The following OTOG variants were observed in gnomAD, a reference collection of about 807,000 sequenced individuals.
The protein encoded by OTOG is otogelin.
A neutral mutation model predicts 313.8 loss-of-function variants in OTOG; 296 were observed. The ratio of observed to expected loss-of-function variants is 0.94; its 90% CI spans 0.86 to 1.04. The LOEUF is 1.04. OTOG is among the 50% of genes least tolerant of loss of function. The probability of loss-of-function intolerance (pLI) is 0.00; values close to 1 mark genes in which losing one functional copy is unlikely to be tolerated. For synonymous variants in OTOG, 1,533 were observed against 1,554.9 expected (o/e 0.99, Z 0.33); for missense variants, 3,948 against 3,840.1 (o/e 1.03, Z -0.74).
At chr11:17,619,488 G>A (rs772659604) in intron 39 of OTOG, among the ~76,000 whole-genome samples, 1 of 151,092 alleles carries the variant, frequency 6.6e-6, no homozygotes, top group Non-Finnish European at 1.5e-5. Flanking sequence ...TCCTTTTTTT[G>A]CCTTCTTTGG....
rs1348093483 is a variant in OTOG at position 17,634,919 on chromosome 11, A to G, written c.7556A>G (p.Glu2519Gly). The change falls in exon 45 of 56, where the codon GAG becomes GGG. Residue 2519 changes from glutamate (E) to glycine (G), a missense_variant. Transcript: ENST00000399397. ...PGHRLLTHFQ[E>G]DSCCPSYSCE... ...CACCGCCTCCTCACCCACTTCCAGG[A>G]GGACTCCTGCTGCCCCAGCTACAGC... 7.2e-7 allele frequency: 1 copy of G among 1,390,416 alleles called. No individual in the cohort carries two copies. The highest frequency in any genetic ancestry group is 2.2e-5 in the Admixed American group (1 of 45,118). The allele number at this position is 1,390,416 out of a possible 1,614,324, so 86.1% of individuals were successfully genotyped here. A position where few individuals can be genotyped will look rare whatever the true frequency, so the allele number is the denominator to read the frequency against.
Position 17,597,252 on chromosome 11 carries a change from GGA to G in OTOG, c.3682+247_3682+248del, listed in dbSNP as rs1422985494. ...ATCAAGTAACATGCTCAAGGTTAGT[GGA>G]GGAGCCAGGGTTCATCCCTAGAGAG... On this transcript the variant is annotated intron_variant, in intron 30 of 55. Transcript: ENST00000399397. 4.6e-5 allele frequency among the ~76,000 whole-genome samples: 7 copies of G among 152,340 alleles called. No individual in the cohort carries two copies. The South Asian group carries it at 1.5e-3, about 32-fold the overall frequency.
intron 24 of OTOG, among the ~76,000 whole-genome samples, chr11:17,590,659 G>A (rs977688677): frequency 5.9e-5 from 9 of 152,176 alleles, no homozygotes; most frequent in African/African-American, 2.2e-4. Flanking sequence ...CCTAGCAGGA[G>A]CTAACCTTCC....
At position 17,606,045 on chromosome 11, in the gene OTOG, T is replaced by C; in HGVS notation, c.4066T>C (p.Ser1356Pro). 1.3e-6 allele frequency: 2 copies of C among 1,550,528 alleles called. No individual in the cohort carries two copies. Among genetic ancestry groups the C allele is most frequent in the Non-Finnish European group, 1.7e-6 (2 of 1,146,992 alleles). Residue 1356 changes from serine to proline, a missense_variant, in exon 33 of 56, where the codon TCC (serine) becomes CCC (proline). Coordinates refer to ENST00000399397, the MANE Select transcript of OTOG (RefSeq NM_001292063.2). ...VALESLAKPSSFLYVSGAVLA... is the reference protein window; with the variant it reads ...VALESLAKPSPFLYVSGAVLA... The stretch of plus-strand genomic sequence containing the variant: ...CCTGGAGTCCCTGGCCAAGCCCAGC[T>C]CCTTCCTCTATGTGTCGGGCGCGGT...
intron 21 of OTOG, 97 bp downstream of exon 21, chr11:17,576,727 C>G: frequency 6.9e-7 from 1 of 1,453,140 alleles, no homozygotes; most frequent in South Asian, 1.2e-5. Context: ...GAAGGGACAC[C>G]CAGCCCTGCT....
chr11:17,561,703 G>A lies in OTOG; in HGVS notation c.1540G>A (p.Asp514Asn). 6.4e-7 allele frequency: 1 copy of A among 1,550,474 alleles called. No homozygotes were observed. The highest frequency in any genetic ancestry group is 8.7e-7 in the Non-Finnish European group (1 of 1,146,966). The change falls in exon 15 of 56, where the codon GAT becomes AAT. Residue 514 changes from aspartate (D) to asparagine (N), a missense_variant. Asp to Asn is a conservative substitution (Grantham distance 23, BLOSUM62 1). Transcript: ENST00000399397. Reference protein sequence around the residue: ...VTGDIHFTTFDGRRYTFPATC... With the variant: ...VTGDIHFTTFNGRRYTFPATC... ...TGGTGACATTCACTTCACAACCTTTGATGGCCGCCGGTACACGTTCCCCGC... is the reference window on the plus strand; with the variant it reads ...TGGTGACATTCACTTCACAACCTTTAATGGCCGCCGGTACACGTTCCCCGC...
At chr11:17,622,533 C>T (rs1405950030) in intron 39 of OTOG, among the ~76,000 whole-genome samples, 1 of 152,200 alleles carries the variant, frequency 6.6e-6, no homozygotes, top group Non-Finnish European at 1.5e-5. Flanking sequence ...AACCCCTCCA[C>T]TACCCTTCCC....
chr11:17,642,831 C>CA (rs1180742316), intron 53 of OTOG, among the ~76,000 whole-genome samples: 1 of 152,110 alleles, frequency 6.6e-6, no homozygotes, highest in African/African-American at 2.4e-5. Context: ...CAAATATACA[C>CA]AGACACTCAA....
chr11:17,575,599 C>G (rs569673346), intron 20 of OTOG, among the ~76,000 whole-genome samples: 1 of 152,302 alleles, frequency 6.6e-6, no homozygotes, highest in East Asian at 1.9e-4. Context: ...GGGCGACTGG[C>G]AAGGTCCTTG....
At chr11:17,578,556 A>G in intron 23 of OTOG, 30 bp downstream of exon 23, 1 of 1,497,554 alleles carries the variant, frequency 6.7e-7, no homozygotes, top group Non-Finnish European at 8.9e-7. Flanking sequence ...TGGGCCCGTG[A>G]TCCTGAAGGC....
rs1421423596 is a variant in OTOG at position 17,594,165 on chromosome 11, A to T, written c.3407A>T (p.Glu1136Val). ...QEFGSSWAAV[E>V]CPDTLDPRDM... ...TTTGGCAGCAGTTGGGCTGCAGTTG[A>T]GGTAAAGCCTCTCTTCCAGGCTGGC... Residue 1136 changes from glutamate to valine, a missense_variant and splice_region_variant, in exon 28 of 56, where the codon GAG becomes GTG. By Grantham distance (121) the Glu-to-Val change is moderately radical. Transcript: ENST00000399397. 1 of 1,550,544 alleles carries T rather than the reference A, an allele frequency of 6.4e-7. No homozygotes were observed. Among genetic ancestry groups the T allele is most frequent in the Non-Finnish European group, 8.7e-7 (1 of 1,146,996 alleles).
chr11:17,568,619 T>C (rs1852339354), intron 15 of OTOG, among the ~76,000 whole-genome samples: 1 of 152,214 alleles, frequency 6.6e-6, no homozygotes. Flanking sequence ...CAGTTAAGTG[T>C]TTAAATGAAT....
chr11:17,569,478 A>G (rs1189266136), intron 16 of OTOG, among the ~76,000 whole-genome samples, 190 bp downstream of exon 16: 1 of 152,226 alleles, frequency 6.6e-6, no homozygotes, highest in African/African-American at 2.4e-5. Flanking sequence ...CCACCTCAAC[A>G]GGACAGTGGA....
intron 39 of OTOG, among the ~76,000 whole-genome samples, chr11:17,623,805 A>G (rs1357305233): frequency 6.6e-6 from 1 of 152,088 alleles, no homozygotes; most frequent in Non-Finnish European, 1.5e-5. Flanking sequence ...CCTTGCTAGC[A>G]CCTGTTATTT....
At position 17,573,365 on chromosome 11, in the gene OTOG, G is replaced by C. The variant is rs757987; in HGVS notation, c.2293+75G>C. Reference sequence around the variant, plus strand: ...ACCTGAGTGTCCCCTGCCCCTGAAAGTCTCCACTGGGATGCCCTCCAGTCT... The same window carrying C: ...ACCTGAGTGTCCCCTGCCCCTGAAACTCTCCACTGGGATGCCCTCCAGTCT... On this transcript the variant is annotated intron_variant, in intron 19 of 55. Coordinates refer to ENST00000399397, the MANE Select transcript of OTOG (RefSeq NM_001292063.2). The C allele has an allele frequency of 0.43, 607,768 of 1,412,822 alleles. 132,148 individuals carry two copies. The highest frequency in any genetic ancestry group is 0.47 in the African/African-American group (33,181 of 69,908). 87.5% of individuals were successfully genotyped at this position (1,412,822 alleles called of 1,614,324 possible). A position where few individuals can be genotyped will look rare whatever the true frequency, so the allele number is the denominator to read the frequency against.
Position 17,645,736 on chromosome 11 carries a change from C to A in OTOG, c.8542-8C>A. 3 of 1,550,854 alleles carry A rather than the reference C, an allele frequency of 1.9e-6. No homozygotes were observed. The highest frequency in any genetic ancestry group is 2.6e-6 in the Non-Finnish European group (3 of 1,147,040). On this transcript the variant is annotated splice_polypyrimidine_tract_variant and splice_region_variant and intron_variant, in intron 55 of 55. Transcript: ENST00000399397. Reference sequence around the variant, plus strand: ...CCACAGACTGCCTCACTGGCCTGCCCGTTCCAGGTGAACCTAGTGTCCTGC... The same window carrying A: ...CCACAGACTGCCTCACTGGCCTGCCAGTTCCAGGTGAACCTAGTGTCCTGC...
At chr11:17,547,571 G>T (rs1851836563) in intron 1 of OTOG, 105 bp downstream of exon 1, 3 of 1,275,442 alleles carry the variant, frequency 2.4e-6, no homozygotes, top group African/African-American at 3.1e-5. Flanking sequence ...GGAAAGAGAG[G>T]TTTGAGGGAG....
chr11:17,635,037 G>A (rs771640798), intron 45 of OTOG, 43 bp from the exon 46 acceptor site: 429 of 1,537,358 alleles, frequency 2.8e-4, no homozygotes, highest in Non-Finnish European at 3.6e-4. Flanking sequence ...GGGGTGGCCA[G>A]GCAGGTTCCT....
At chr11:17,639,384 T>C (rs1416085368) in intron 48 of OTOG, 39 bp from the exon 49 acceptor site, 3 of 1,549,680 alleles carry the variant, frequency 1.9e-6, no homozygotes, top group East Asian at 4.9e-5. Flanking sequence ...TACCTGGACA[T>C]CCCTGATGAA....
Sources: gnomAD v4.1 joint callset for allele counts (sites outside exome capture counted in the v4.1 genomes callset) on GRCh38, gnomAD v4.1.1 for gene constraint, MANE v1.5 for transcripts, NCBI Gene and HGNC (gene_info 2026-07-23, HGNC 2026-07-21) for gene names.